SLC12A6: variants seen among roughly 807,000 people sequenced by gnomAD.
SLC12A6 encodes the protein K-Cl cotransporter 3.
SLC12A6 carries 66 observed loss-of-function variants against 135.3 expected under a neutral mutation model. That is an observed-to-expected ratio of 0.49 (90% CI 0.40 to 0.60). The LOEUF is 0.60. Among genes scored for constraint, SLC12A6 ranks in the 20% least tolerant of loss-of-function variants. SLC12A6 has a pLI of 0.00. For missense variants in SLC12A6, 1,058 were observed against 1,452.3 expected (o/e 0.73, Z 4.41); for synonymous variants, 513 against 508.8 (o/e 1.01, Z -0.11).
chr15:34,263,790 AAACT>A (rs1893317170), intron 3 of SLC12A6, among the ~76,000 whole-genome samples: 1 of 152,212 alleles, frequency 6.6e-6, no homozygotes, highest in African/African-American at 2.4e-5. Flanking sequence ...AACAGTCAAT[AAACT>A]ATCAAAATTA....
chr15:34,248,767 A>C (rs1892181951), intron 13 of SLC12A6, among the ~76,000 whole-genome samples: 1 of 152,152 alleles, frequency 6.6e-6, no homozygotes, highest in Admixed American at 6.5e-5. Context: ...ATTCAAATGG[A>C]GTTGCTGAAC....
intron 3 of SLC12A6, 25 bp downstream of exon 3, chr15:34,275,320 G>A (rs781175025): frequency 5.5e-6 from 7 of 1,269,684 alleles, no homozygotes; most frequent in Admixed American, 1.7e-5. Context: ...TTTGGATAAA[G>A]TCAATCCCCA....
chr15:34,258,490 G>A (rs1240183922), intron 5 of SLC12A6, among the ~76,000 whole-genome samples: 1 of 152,160 alleles, frequency 6.6e-6, no homozygotes, highest in African/African-American at 2.4e-5. Context: ...TCCAACCTAT[G>A]TAAGTAGCAA....
rs201113212 is a variant in SLC12A6, at chr15:34,257,780, T to C, written c.552A>G (p.Gln184=). The C allele has an allele frequency of 4.4e-6, 7 of 1,603,720 alleles. No individual in the cohort carries two copies. The highest frequency in any genetic ancestry group is 3.3e-5 in the South Asian group (3 of 90,838). The change falls in exon 6 of 26, where the codon CAA becomes CAG. Residue 184 remains glutamine, a synonymous_variant. Transcript: ENST00000354181. ...EGKKKPTKTP[Q]MGTFMGVYLP... ...GGTAGACACCCATGAAGGTACCCAT[T>C]TGGGGGGTCTAGAAAGAAAGACATT...
At chr15:34,327,431 C>T (rs985435274) in intron 2 of SLC12A6, among the ~76,000 whole-genome samples, 6 of 152,118 alleles carry the variant, frequency 3.9e-5, no homozygotes, top group African/African-American at 1.4e-4. Context: ...CTTTGGGAGG[C>T]CGAGGCAGAC....
At chr15:34,309,140 T>C (rs1316168012) in intron 2 of SLC12A6, among the ~76,000 whole-genome samples, 4 of 152,168 alleles carry the variant, frequency 2.6e-5, no homozygotes, top group Non-Finnish European at 4.4e-5. Flanking sequence ...ACAATGGTAG[T>C]TGGTATTTTT....
At chr15:34,255,499 C>A (rs1892686581) in intron 7 of SLC12A6, 107 bp from the exon 8 acceptor site, 2 of 815,944 alleles carry the variant, frequency 2.5e-6, no homozygotes, top group Middle Eastern at 2.4e-4. Flanking sequence ...TTAAATGTTT[C>A]AGGCTTCTGC....
intron 3 of SLC12A6, among the ~76,000 whole-genome samples, chr15:34,266,478 T>G (rs1418534934): frequency 6.6e-6 from 1 of 152,048 alleles, no homozygotes; most frequent in African/African-American, 2.4e-5. Flanking sequence ...GTCTCACTCT[T>G]ACGCCCAGGC....
intron 2 of SLC12A6, among the ~76,000 whole-genome samples, chr15:34,295,908 G>T (rs148433329): frequency 6.6e-6 from 1 of 152,174 alleles, no homozygotes; most frequent in South Asian, 2.1e-4. Context: ...GCTGAGGCAG[G>T]AGAATTGCTT....
intron 7 of SLC12A6, among the ~76,000 whole-genome samples, chr15:34,255,806 G>GA (rs201829510): frequency 3.5e-5 from 5 of 143,100 alleles, no homozygotes; most frequent in Admixed American, 7.0e-5. Context: ...TGTCACCTCT[G>GA]TAAAAAAAAA....
intron 2 of SLC12A6, among the ~76,000 whole-genome samples, chr15:34,320,930 T>C (rs1889045523): frequency 9.7e-6 from 1 of 103,506 alleles, no homozygotes; most frequent in Non-Finnish European, 2.0e-5. Flanking sequence ...TACAATAAAA[T>C]AAAATAAAAT....
intron 25 of SLC12A6, among the ~76,000 whole-genome samples, chr15:34,234,344 T>C (rs1434847271): frequency 3.3e-5 from 5 of 152,032 alleles, no homozygotes; most frequent in African/African-American, 1.2e-4. Flanking sequence ...GCCAGTTCGG[T>C]TTGTCTTTTT....
intron 2 of SLC12A6, among the ~76,000 whole-genome samples, chr15:34,299,334 T>A (rs541598272): frequency 2.1e-4 from 32 of 152,380 alleles, no homozygotes; most frequent in Middle Eastern, 3.4e-3. Flanking sequence ...CTGTTGGGTA[T>A]AAGCTGCCTT....
rs947752439 is a variant in SLC12A6 at position 34,336,575 on chromosome 15, T to C, written c.106A>G (p.Ser36Gly). ...PGLSDTSPDL[S>G]SRSSSRVRFS... ...CTTACTCGGGAACTAGATCGAGAGC[T>C]GAGGTCCGGACTGGTGTCTGACAAA... The change falls in exon 2 of 26, where the codon AGC becomes GGC. Residue 36 changes from serine (S) to glycine (G), a missense_variant. Ser to Gly is a moderately conservative substitution (Grantham distance 56). Coordinates refer to ENST00000354181, the MANE Select transcript of SLC12A6 (RefSeq NM_001365088.1). 6.2e-7 allele frequency: 1 copy of C among 1,613,994 alleles called. No individual in the cohort carries two copies. Among genetic ancestry groups the C allele is most frequent in the Non-Finnish European group, 8.5e-7 (1 of 1,179,902 alleles).
At chr15:34,254,170 C>G (rs201535729) in intron 9 of SLC12A6, among the ~76,000 whole-genome samples, 178 bp downstream of exon 9, 2 of 152,220 alleles carry the variant, frequency 1.3e-5, no homozygotes, top group East Asian at 3.9e-4. Flanking sequence ...AGAGGATGAA[C>G]GGGACATAGT....
intron 9 of SLC12A6, 148 bp downstream of exon 9, chr15:34,254,200 C>A: frequency 4.9e-6 from 4 of 823,048 alleles, no homozygotes; most frequent in Non-Finnish European, 8.4e-6. Flanking sequence ...GGCTTCCTGC[C>A]TAGATGAGGA....
At chr15:34,307,794 G>A (rs1465776760) in intron 2 of SLC12A6, among the ~76,000 whole-genome samples, 6 of 152,094 alleles carry the variant, frequency 3.9e-5, no homozygotes, top group Non-Finnish European at 8.8e-5. Context: ...AAATATGAAC[G>A]AAGGCAATGA....
At chr15:34,251,437 C>T (rs1892388796) in intron 10 of SLC12A6, among the ~76,000 whole-genome samples, 1 of 152,066 alleles carries the variant, frequency 6.6e-6, no homozygotes, top group South Asian at 2.1e-4. Context: ...TTAGTAGAGA[C>T]GAGGTTTCAC....
rs4238571 is a variant in SLC12A6, at chr15:34,230,784, C to A, written c.*3097G>T. Reference sequence around the variant, plus strand: ...ACACACATGAAATACTCTAGACAGACATGAATATAAATCTGGCCTAATAAC... The same window carrying A: ...ACACACATGAAATACTCTAGACAGAAATGAATATAAATCTGGCCTAATAAC... On this transcript the variant is annotated 3_prime_UTR_variant, in exon 26 of 26. Coordinates refer to ENST00000354181, the MANE Select transcript of SLC12A6 (RefSeq NM_001365088.1). The A allele has an allele frequency of 1.3e-5, 2 of 152,644 alleles. No individual in the cohort carries two copies. Among genetic ancestry groups the A allele is most frequent in the Non-Finnish European group, 2.9e-5 (2 of 68,060 alleles). The allele number at this position is 152,644 out of a possible 1,614,324, so 9.5% of individuals were successfully genotyped here.
Sources: allele counts gnomAD v4.1 joint callset (sites outside exome capture counted in the v4.1 genomes callset), GRCh38; gene constraint gnomAD v4.1.1; transcripts MANE v1.5; gene names NCBI Gene and HGNC (gene_info 2026-07-23, HGNC 2026-07-21).